Variants in RASGRF1 observed in about 807,000 individuals in gnomAD.
The protein encoded by RASGRF1 is Ras protein specific guanine nucleotide releasing factor 1.
Under a neutral mutation model 138.7 loss-of-function variants are expected in RASGRF1, and 40 were observed. That is an observed-to-expected ratio of 0.29 (90% confidence interval 0.22 to 0.38). RASGRF1 has a LOEUF of 0.38. Among genes scored for constraint, RASGRF1 ranks in the 10% least tolerant of loss-of-function variants. The pLI, the probability that RASGRF1 is intolerant of heterozygous loss-of-function variation, is 1.00. For synonymous variants in RASGRF1, 614 were observed against 663.2 expected (o/e 0.93, Z 1.14); for missense variants, 1,108 against 1,650.4 (o/e 0.67, Z 5.69).
At chr15:79,079,668 G>C (rs912891794) in intron 1 of RASGRF1, among the ~76,000 whole-genome samples, 1 of 152,098 alleles carries the variant, frequency 6.6e-6, no homozygotes, top group Non-Finnish European at 1.5e-5. Flanking sequence ...AATCCCTCTG[G>C]GAGAATGGAT....
chr15:78,978,215 C>CTTTTGTTTTTT (rs1256762161), intron 24 of RASGRF1, among the ~76,000 whole-genome samples: 7 of 79,356 alleles, frequency 8.8e-5, no homozygotes, highest in African/African-American at 1.0e-4. Context: ...TTTTTCTTTT[C>CTTTTGTTTTTT]TTTTGTTTTT....
At chr15:79,011,266 C>T (rs112958338) in intron 13 of RASGRF1, among the ~76,000 whole-genome samples, 2 of 152,070 alleles carry the variant, frequency 1.3e-5, no homozygotes, top group East Asian at 1.9e-4. Flanking sequence ...TCATGTGGAT[C>T]GCTGTATTAT....
intron 5 of RASGRF1, among the ~76,000 whole-genome samples, chr15:79,039,669 T>C (rs2141013978): frequency 6.6e-6 from 1 of 152,364 alleles, no homozygotes; most frequent in African/African-American, 2.4e-5. Flanking sequence ...TTATGCGTCA[T>C]CACATAGGTC....
chr15:78,966,372 G>C (rs2055645239), intron 26 of RASGRF1, among the ~76,000 whole-genome samples: 1 of 151,560 alleles, frequency 6.6e-6, no homozygotes, highest in African/African-American at 2.4e-5. Context: ...GAGTAGCTGG[G>C]ACTACAGGCA....
chr15:78,994,156 T>G (rs573958369), intron 20 of RASGRF1, among the ~76,000 whole-genome samples: 1 of 152,344 alleles, frequency 6.6e-6, no homozygotes, highest in Admixed American at 6.5e-5. Context: ...TCCTTTCAGC[T>G]GCCGAGAGGA....
intron 17 of RASGRF1, among the ~76,000 whole-genome samples, chr15:78,999,162 G>C (rs972240861): frequency 6.6e-6 from 1 of 152,212 alleles, no homozygotes; most frequent in African/African-American, 2.4e-5. Context: ...TCTGCTGCAG[G>C]ATCAAGGATG....
At chr15:79,084,050 A>G (rs532679592) in intron 1 of RASGRF1, among the ~76,000 whole-genome samples, 2 of 152,374 alleles carry the variant, frequency 1.3e-5, no homozygotes, top group Admixed American at 6.5e-5. Context: ...TTTTTAAAGC[A>G]CTAGGAAAGA....
At chr15:79,017,403 G>A (rs2056893894) in intron 12 of RASGRF1, among the ~76,000 whole-genome samples, 1 of 152,158 alleles carries the variant, frequency 6.6e-6, no homozygotes, top group African/African-American at 2.4e-5. Flanking sequence ...ATGACCTGGG[G>A]CATGTACTAA....
chr15:79,048,910 C>T (rs2057390979), intron 4 of RASGRF1, among the ~76,000 whole-genome samples: 1 of 152,224 alleles, frequency 6.6e-6, no homozygotes, highest in Non-Finnish European at 1.5e-5. Context: ...CACGCTCCTT[C>T]CCTCTGCCAC....
chr15:78,990,534 T>C (rs1389206814), intron 21 of RASGRF1, among the ~76,000 whole-genome samples: 1 of 152,180 alleles, frequency 6.6e-6, no homozygotes, highest in East Asian at 1.9e-4. Flanking sequence ...GACAATCCTT[T>C]CCTCACAGGT....
chr15:78,975,253 A>T (rs2055847983), intron 24 of RASGRF1, among the ~76,000 whole-genome samples: 1 of 152,168 alleles, frequency 6.6e-6, no homozygotes, highest in Non-Finnish European at 1.5e-5. Context: ...TAAAAATAAC[A>T]AGTGAAAAAG....
intron 13 of RASGRF1, among the ~76,000 whole-genome samples, chr15:79,008,826 C>T (rs1470062065): frequency 6.6e-6 from 1 of 152,194 alleles, no homozygotes. Flanking sequence ...GGCATGACTC[C>T]ACAAGGCCCC....
chr15:78,995,057 A>T (rs1296043408), intron 20 of RASGRF1, among the ~76,000 whole-genome samples: 2 of 151,560 alleles, frequency 1.3e-5, no homozygotes, highest in Non-Finnish European at 1.5e-5. Flanking sequence ...CCTCCCAAGT[A>T]GCTGGGATCA....
intron 3 of RASGRF1, among the ~76,000 whole-genome samples, chr15:79,057,170 C>T (rs1405547551): frequency 6.6e-6 from 1 of 152,266 alleles, no homozygotes; most frequent in African/African-American, 2.4e-5. Flanking sequence ...TAGGTGCAGG[C>T]TGGGGTCCAG....
intron 13 of RASGRF1, among the ~76,000 whole-genome samples, chr15:79,011,187 C>A (rs1382590793): frequency 6.6e-6 from 1 of 152,260 alleles, no homozygotes; most frequent in East Asian, 1.9e-4. Flanking sequence ...CAGAATAAAG[C>A]CCCACTCCTT....
intron 3 of RASGRF1, among the ~76,000 whole-genome samples, chr15:79,055,548 A>G (rs1383038498): frequency 1.3e-5 from 2 of 151,534 alleles, no homozygotes; most frequent in Non-Finnish European, 2.9e-5. Context: ...TTCCCATCAA[A>G]TGGGTCTCTG....
At chr15:79,025,265 G>T (rs1355495727) in intron 10 of RASGRF1, 49 bp downstream of exon 10, 4 of 1,535,594 alleles carry the variant, frequency 2.6e-6, no homozygotes, top group Non-Finnish European at 3.5e-6. Flanking sequence ...GACAGCGCCT[G>T]CATGACCCTA....
intron 2 of RASGRF1, 119 bp from the exon 3 acceptor site, chr15:79,058,600 C>G: frequency 1.5e-6 from 2 of 1,293,810 alleles, no homozygotes; most frequent in Non-Finnish European, 2.1e-6. Flanking sequence ...AAGGCCCTGA[C>G]TCCCAGCACC....
chr15:78,965,803 A>G (rs1446055828), intron 26 of RASGRF1, among the ~76,000 whole-genome samples: 1 of 152,254 alleles, frequency 6.6e-6, no homozygotes, highest in Non-Finnish European at 1.5e-5. Context: ...GTGAGCCGAG[A>G]TCGCGCCACT....
Sources: gnomAD v4.1 joint callset for allele counts (sites outside exome capture counted in the v4.1 genomes callset) on GRCh38, gnomAD v4.1.1 for gene constraint, MANE v1.5 for transcripts, NCBI Gene and HGNC (gene_info 2026-07-23, HGNC 2026-07-21) for gene names.